Variants in PRDM10 observed in about 807,000 individuals in gnomAD.
PRDM10 encodes the protein PR domain zinc finger protein 10.
PRDM10 carries 65 observed loss-of-function variants against 133.1 expected under a neutral mutation model. The ratio of observed to expected loss-of-function variants is 0.49; its 90% CI spans 0.40 to 0.60. The LOEUF (loss-of-function observed/expected upper bound fraction) is 0.60, where lower values mean the gene tolerates loss of function less well. PRDM10 is among the 20% of genes least tolerant of loss of function. The probability of loss-of-function intolerance (pLI) is 0.00; values close to 1 mark genes in which losing one functional copy is unlikely to be tolerated. For missense variants in PRDM10, 1,137 were observed against 1,507.1 expected (o/e 0.75, Z 4.07); for synonymous variants, 582 against 580.4 (o/e 1.00, Z -0.04).
chr11:129,935,351 G>C (rs768098739), intron 8 of PRDM10, 133 bp from the exon 9 acceptor site: 4 of 643,978 alleles, frequency 6.2e-6, no homozygotes, highest in Non-Finnish European at 1.1e-5. Flanking sequence ...TCTGCTATTT[G>C]CATTACTGTT....
At chr11:129,960,191 G>A (rs886776232) in intron 2 of PRDM10, among the ~76,000 whole-genome samples, 3 of 152,016 alleles carry the variant, frequency 2.0e-5, no homozygotes, top group Admixed American at 1.3e-4. Flanking sequence ...TGGTACTATG[G>A]TTATGTAATT....
At chr11:129,911,531 AC>A (rs1433927450) in intron 18 of PRDM10, among the ~76,000 whole-genome samples, 7 of 152,196 alleles carry the variant, frequency 4.6e-5, no homozygotes, top group African/African-American at 1.7e-4. Flanking sequence ...AAACAGAATA[AC>A]CCTGTTTTCT....
At position 129,918,404 on chromosome 11, in the gene PRDM10, T is replaced by C; in HGVS notation, c.2214+135A>G. On this transcript the variant is annotated intron_variant, in intron 14 of 20. Transcript: ENST00000360871. The surrounding 1 kb of genome is among the most constrained non-coding windows in gnomAD (Gnocchi z 5.3). ...CTCCAAATTGGGAATCGTTTGCCTC[T>C]GTTTCTTCCCCTGGACATTGACAAA... 9.1e-7 allele frequency: 1 copy of C among 1,101,196 alleles called. No homozygotes were observed. Among genetic ancestry groups the C allele is most frequent in the Non-Finnish European group, 1.2e-6 (1 of 833,228 alleles). The allele number at this position is 1,101,196 out of a possible 1,614,324, so 68.2% of individuals were successfully genotyped here.
At chr11:129,931,607 C>CT (rs1279626802) in intron 10 of PRDM10, among the ~76,000 whole-genome samples, 2 of 146,434 alleles carry the variant, frequency 1.4e-5, no homozygotes, top group African/African-American at 2.5e-5. Context: ...CTCGCTCTGT[C>CT]CCCAGGCTGG....
intron 11 of PRDM10, 99 bp from the exon 12 acceptor site, chr11:129,925,328 A>G: frequency 8.7e-7 from 1 of 1,145,082 alleles, no homozygotes; most frequent in Non-Finnish European, 1.2e-6. Flanking sequence ...CTGCAATCAC[A>G]GACTTCCCAT....
At chr11:129,935,459 C>G (rs929078386) in intron 8 of PRDM10, among the ~76,000 whole-genome samples, 6 of 152,160 alleles carry the variant, frequency 3.9e-5, no homozygotes, top group African/African-American at 1.4e-4. Flanking sequence ...AGTACCCTCA[C>G]ATCACCCTCT....
At position 129,941,369 on chromosome 11, in the gene PRDM10, G is replaced by C. The variant is rs754352772; in HGVS notation, c.966+1057C>G. ...TTATGTCATCAAGAATTATTATTTA[G>C]ATAAATTTCAATAGTTATTACCCCA... On this transcript the variant is annotated intron_variant, in intron 7 of 20. Coordinates refer to ENST00000360871, the MANE Select transcript of PRDM10 (RefSeq NM_199437.2). Among the ~76,000 whole-genome samples the C allele has an allele frequency of 4.6e-5, 7 of 152,058 alleles. No homozygotes were observed. The South Asian group carries it at 8.3e-4, about 18-fold the overall frequency.
chr11:129,929,863 T>C (rs1345064866), intron 11 of PRDM10, among the ~76,000 whole-genome samples: 2 of 152,124 alleles, frequency 1.3e-5, no homozygotes, highest in African/African-American at 4.8e-5. Context: ...AAGTGCAGAT[T>C]AGGAACTAAA....
At chr11:129,953,532 G>C (rs964723905) in intron 4 of PRDM10, among the ~76,000 whole-genome samples, 11 of 152,146 alleles carry the variant, frequency 7.2e-5, no homozygotes, top group Non-Finnish European at 1.5e-4. Context: ...GGCCTCAAGT[G>C]ATCTGCCTGC....
intron 1 of PRDM10, among the ~76,000 whole-genome samples, chr11:129,980,336 G>A (rs1938035200): frequency 6.6e-6 from 1 of 152,172 alleles, no homozygotes; most frequent in African/African-American, 2.4e-5. Flanking sequence ...GACCCCCGGG[G>A]CCGCACACAG....
chr11:129,918,614 G>A lies in PRDM10; in HGVS notation c.2139C>T (p.Ile713=), dbSNP rs1471090236. The A allele has an allele frequency of 1.2e-6, 2 of 1,614,254 alleles. No individual in the cohort carries two copies. Among genetic ancestry groups the A allele is most frequent in the Non-Finnish European group, 1.7e-6 (2 of 1,180,046 alleles). The change falls in exon 14 of 21, where the codon ATC becomes ATT. Residue 713 remains isoleucine, a synonymous_variant. Coordinates refer to ENST00000360871, the MANE Select transcript of PRDM10 (RefSeq NM_199437.2). This position sits in a 1 kb window ranked among gnomAD's most constrained non-coding sequence, Gnocchi z 5.3. ...ISRSKTFKPR[I]TSTDYDSFTF... is the part of the protein sequence containing the mutation. ...TGAAGCTGTCGTAGTCTGTGGACGT[G>A]ATGCGGGGCTTGAACGTCTTGGAGC...
intron 13 of PRDM10, among the ~76,000 whole-genome samples, chr11:129,920,185 C>T (rs796454537): frequency 2.4e-4 from 37 of 152,280 alleles, no homozygotes; most frequent in African/African-American, 7.5e-4. Flanking sequence ...ACCGAATCAT[C>T]ACATAAATTT....
At chr11:129,974,059 C>A (rs1937632924) in intron 1 of PRDM10, among the ~76,000 whole-genome samples, 2 of 152,242 alleles carry the variant, frequency 1.3e-5, no homozygotes, top group South Asian at 4.1e-4. Context: ...AGCTCACCAG[C>A]AGCTGACCTG....
At chr11:129,909,241 G>A (rs992076560) in intron 19 of PRDM10, among the ~76,000 whole-genome samples, 12 of 151,654 alleles carry the variant, frequency 7.9e-5, no homozygotes, top group Middle Eastern at 3.4e-3. Flanking sequence ...CCTGAGGTCC[G>A]GAGTTCGAGA....
At chr11:129,970,822 A>G (rs1477427256) in intron 1 of PRDM10, among the ~76,000 whole-genome samples, 1 of 152,170 alleles carries the variant, frequency 6.6e-6, no homozygotes, top group African/African-American at 2.4e-5. Flanking sequence ...CTGGGATTAC[A>G]GGCATGAATC....
At position 129,951,917 on chromosome 11, in the gene PRDM10, C is replaced by T. The variant is rs757758584; in HGVS notation, c.294+3595G>A. 1.2e-4 allele frequency among the ~76,000 whole-genome samples: 17 copies of T among 145,618 alleles called. 2 individuals carry two copies. Among genetic ancestry groups the T allele is most frequent in the Middle Eastern group, 3.5e-3 (1 of 288 alleles). On this transcript the variant is annotated intron_variant, in intron 4 of 20. Transcript: ENST00000360871. ...TGAAAATATAATGGGAACCTTTTGG[C>T]TAAGAAAAAAACAAAAACCAAAAAA...
Position 129,960,936 on chromosome 11 carries a change from A to G in PRDM10, c.29T>C (p.Val10Ala). 1 of 1,614,178 alleles carries G rather than the reference A, an allele frequency of 6.2e-7. No individual in the cohort carries two copies. Among genetic ancestry groups the G allele is most frequent in the Non-Finnish European group, 8.5e-7 (1 of 1,180,028 alleles). The change falls in exon 2 of 21, where the codon GTG becomes GCG. Residue 10 changes from valine (V) to alanine (A), a missense_variant. Physicochemically the swap from Val to Ala is moderately conservative, Grantham distance 64 (BLOSUM62 0). This residue lies in a region of PRDM10 where 635 missense variants were observed against 835.2 expected (regional missense o/e 0.76). Transcript: ENST00000360871. MDSKDESSH[V>A]WPTSAEHEQN... ...TTCATGCTCTGCAGATGTCGGCCAC[A>G]CATGCGAGCTTTCATCTTTGGAATC...
At chr11:129,968,071 G>A (rs1336075605) in intron 1 of PRDM10, among the ~76,000 whole-genome samples, 1 of 152,176 alleles carries the variant, frequency 6.6e-6, no homozygotes, top group Non-Finnish European at 1.5e-5. Flanking sequence ...CAGCTTCAAA[G>A]GTAGATGAGT....
intron 3 of PRDM10, among the ~76,000 whole-genome samples, chr11:129,956,599 T>C (rs921941473): frequency 2.6e-5 from 4 of 152,094 alleles, no homozygotes; most frequent in African/African-American, 9.7e-5. Context: ...AAATAAAAAT[T>C]ATCCAAATTC....
Sources: gnomAD v4.1 joint callset for allele counts (sites outside exome capture counted in the v4.1 genomes callset) on GRCh38, gnomAD v4.1.1 for gene constraint, gnomAD v4.1.1 regional missense constraint, Gnocchi (gnomAD v3.1) non-coding constraint, MANE v1.5 for transcripts, NCBI Gene and HGNC (gene_info 2026-07-23, HGNC 2026-07-21) for gene names.